The following TLN2 variants were observed in gnomAD, a reference collection of about 807,000 sequenced individuals.
The protein encoded by TLN2 is talin-2.
TLN2 carries 118 observed loss-of-function variants against 294.7 expected under a neutral mutation model. The ratio of observed to expected loss-of-function variants is 0.40; its 90% CI spans 0.34 to 0.47. TLN2 has a LOEUF of 0.47. Ranked by LOEUF, TLN2 falls within the 20% of genes least tolerant of loss-of-function variation. The pLI, the probability that TLN2 is intolerant of heterozygous loss-of-function variation, is 0.84. For missense variants in TLN2, 3,083 were observed against 3,282.2 expected (o/e 0.94, Z 1.48); for synonymous variants, 1,431 against 1,304.5 (o/e 1.10, Z -2.09).
At chr15:62,704,302 T>G (rs2058918421) in intron 19 of TLN2, among the ~76,000 whole-genome samples, 1 of 152,240 alleles carries the variant, frequency 6.6e-6, no homozygotes, top group Non-Finnish European at 1.5e-5. Context: ...TCCTGCATTT[T>G]TGACTTCATC....
intron 1 of TLN2, among the ~76,000 whole-genome samples, chr15:62,568,500 C>A (rs77865498): frequency 0.024 from 3,694 of 152,326 alleles, 51 homozygotes; most frequent in Non-Finnish European, 0.028. Context: ...AGAAGACTCA[C>A]AAGTAGTCCT....
rs1014081688 is a variant in TLN2 at position 62,821,760 on chromosome 15, T to G, written c.7002+1150T>G. ...TCTGCTGGACTCTACCTGGGAGTCT[T>G]GGGTTGCCTGATATTGTCAGAGTAA... On this transcript the variant is annotated intron_variant, in intron 54 of 58. Transcript: ENST00000636159. 4.7e-4 allele frequency among the ~76,000 whole-genome samples: 72 copies of G among 152,332 alleles called. 1 individual carries two copies. Among genetic ancestry groups the G allele is most frequent in the African/African-American group, 1.7e-3 (71 of 41,574 alleles).
intron 1 of TLN2, among the ~76,000 whole-genome samples, chr15:62,581,373 A>G (rs923260563): frequency 6.6e-6 from 1 of 152,088 alleles, no homozygotes; most frequent in Non-Finnish European, 1.5e-5. Context: ...GTGTACATGT[A>G]CCTTCTTGCT....
intron 1 of TLN2, among the ~76,000 whole-genome samples, chr15:62,442,117 C>A (rs935011849): frequency 1.3e-5 from 2 of 152,042 alleles, no homozygotes; most frequent in African/African-American, 4.8e-5. Context: ...AGGTCACAAC[C>A]TGAGGCTTGT....
chr15:62,722,262 C>T, intron 25 of TLN2, 91 bp from the exon 26 acceptor site: 2 of 1,383,268 alleles, frequency 1.4e-6, no homozygotes, highest in Non-Finnish European at 9.7e-7. Context: ...AAAATCAGTT[C>T]TTACTGCTGT....
At chr15:62,657,634 C>T (rs919092936) in intron 8 of TLN2, 137 bp from the exon 9 acceptor site, 1 of 1,360,006 alleles carries the variant, frequency 7.4e-7, no homozygotes, top group African/African-American at 1.5e-5. Flanking sequence ...TCCACTGTGT[C>T]CTGCACATGT....
chr15:62,545,849 TGGG>T (rs2041967383), intron 1 of TLN2, among the ~76,000 whole-genome samples: 1 of 152,122 alleles, frequency 6.6e-6, no homozygotes, highest in Non-Finnish European at 1.5e-5. Context: ...AAACCAAAGT[TGGG>T]GGTGTTTGTA....
At position 62,697,945 on chromosome 15, in the gene TLN2, T is replaced by G. The variant is rs534030279; in HGVS notation, c.1473+77T>G. ...GCAGGGTGGACACCAGCGGCGGTGA[T>G]GGGCTGAGTGTTGGAACGCTCTCTA... On this transcript the variant is annotated intron_variant, in intron 15 of 58. Coordinates refer to ENST00000636159, the MANE Select transcript of TLN2 (RefSeq NM_015059.3). The G allele has an allele frequency of 2.4e-4, 366 of 1,521,928 alleles. 3 individuals carry two copies. The South Asian group carries it at 2.8e-3, about 12-fold the overall frequency. 94.3% of individuals were successfully genotyped at this position (1,521,928 alleles called of 1,614,324 possible).
At chr15:62,805,480 C>T in intron 50 of TLN2, 120 bp from the exon 51 acceptor site, 4 of 1,057,202 alleles carry the variant, frequency 3.8e-6, no homozygotes, top group Non-Finnish European at 5.3e-6. Flanking sequence ...CGCCATGTGA[C>T]AGTTTCTTCC....
intron 42 of TLN2, 118 bp downstream of exon 42, chr15:62,771,252 TCC>T: frequency 8.6e-7 from 1 of 1,165,740 alleles, no homozygotes; most frequent in Non-Finnish European, 1.1e-6. Context: ...GCATTTGAGC[TCC>T]CACTCTGAGA....
chr15:62,753,810 A>G lies in TLN2; in HGVS notation c.4370A>G (p.Gln1457Arg), dbSNP rs769179293. 3 of 1,612,204 alleles carry G rather than the reference A, an allele frequency of 1.9e-6. No homozygotes were observed. Among genetic ancestry groups the G allele is most frequent in the Non-Finnish European group, 2.5e-6 (3 of 1,179,178 alleles). ...GTTGGCATCTCTGATCCAAACAGCC[A>G]GGCAGGCCACCAGGGCCTGGTGGAC... Reference protein sequence around the residue: ...YLVGISDPNSQAGHQGLVDPI... With the variant: ...YLVGISDPNSRAGHQGLVDPI... The change falls in exon 36 of 59, where the codon CAG (glutamine) becomes CGG (arginine). Residue 1457 changes from glutamine to arginine, a missense_variant. Transcript: ENST00000636159.
intron 9 of TLN2, among the ~76,000 whole-genome samples, chr15:62,665,554 A>G (rs1482922423): frequency 1.3e-5 from 2 of 152,160 alleles, no homozygotes; most frequent in African/African-American, 4.8e-5. Context: ...TCACAGGCTT[A>G]GGAAACCTCC....
At chr15:62,548,098 C>A (rs1023823584) in intron 1 of TLN2, among the ~76,000 whole-genome samples, 1 of 152,140 alleles carries the variant, frequency 6.6e-6, no homozygotes, top group African/African-American at 2.4e-5. Flanking sequence ...AAATAGGACA[C>A]AGATGACAAC....
intron 1 of TLN2, among the ~76,000 whole-genome samples, chr15:62,521,306 G>A (rs537732225): frequency 6.6e-6 from 1 of 152,204 alleles, no homozygotes; most frequent in East Asian, 1.9e-4. Flanking sequence ...GGGGTACAGG[G>A]GAAAGCCCTG....
At chr15:62,566,771 G>C (rs1021126707) in intron 1 of TLN2, among the ~76,000 whole-genome samples, 3 of 151,828 alleles carry the variant, frequency 2.0e-5, no homozygotes, top group African/African-American at 7.3e-5. Context: ...TGCCCGGGCT[G>C]GTCTCAAACT....
chr15:62,792,620 A>C, intron 45 of TLN2, 21 bp from the exon 46 acceptor site: 1 of 1,610,276 alleles, frequency 6.2e-7, no homozygotes, highest in South Asian at 1.1e-5. Flanking sequence ...CTCCTTCCCC[A>C]TCCTGGGCTT....
At chr15:62,690,617 C>T (rs900125971) in intron 12 of TLN2, among the ~76,000 whole-genome samples, 8 of 148,556 alleles carry the variant, frequency 5.4e-5, no homozygotes, top group Non-Finnish European at 7.4e-5. Flanking sequence ...GGGTGGCGGC[C>T]GGGCAGAGGC....
chr15:62,776,631 G>A (rs2141066420), intron 42 of TLN2, 133 bp from the exon 43 acceptor site: 1 of 885,302 alleles, frequency 1.1e-6, no homozygotes, highest in East Asian at 3.3e-5. Context: ...CATAAAGAAA[G>A]GGAAGAAATA....
intron 2 of TLN2, among the ~76,000 whole-genome samples, chr15:62,610,518 T>C (rs943705343): frequency 6.6e-6 from 1 of 152,210 alleles, no homozygotes; most frequent in Admixed American, 6.5e-5. Flanking sequence ...ACAGCCTCCT[T>C]CTGCTTAGGA....
Sources: gnomAD v4.1 joint callset for allele counts (sites outside exome capture counted in the v4.1 genomes callset) on GRCh38, gnomAD v4.1.1 for gene constraint, MANE v1.5 for transcripts, NCBI Gene and HGNC (gene_info 2026-07-23, HGNC 2026-07-21) for gene names.